Variants in SF3B3 observed in about 807,000 individuals in gnomAD.
SF3B3 encodes splicing factor 3b subunit 3, also known as SAP 130.
SF3B3 carries 33 observed loss-of-function variants against 139.2 expected under a neutral mutation model. The ratio of observed to expected loss-of-function variants is 0.24; its 90% CI spans 0.18 to 0.32. The LOEUF is 0.32. SF3B3 is among the 10% of genes least tolerant of loss of function. The pLI, the probability that SF3B3 is intolerant of heterozygous loss-of-function variation, is 1.00. For missense variants in SF3B3, 818 were observed against 1,509.4 expected (o/e 0.54, Z 7.59); for synonymous variants, 596 against 563.6 (o/e 1.06, Z -0.81).
chr16:70,544,043 A>G (rs895219135), intron 9 of SF3B3, among the ~76,000 whole-genome samples: 2 of 152,190 alleles, frequency 1.3e-5, no homozygotes, highest in Non-Finnish European at 2.9e-5. Flanking sequence ...TTAAATGCAT[A>G]TGAAAATATG....
intron 21 of SF3B3, 35 bp downstream of exon 21, chr16:70,567,571 C>A: frequency 6.2e-7 from 1 of 1,600,232 alleles, no homozygotes; most frequent in Non-Finnish European, 8.5e-7. Context: ...AGATCTAGCT[C>A]ATGTGTCAAG....
chr16:70,529,865 G>C (rs973732093), intron 3 of SF3B3, among the ~76,000 whole-genome samples: 13 of 152,010 alleles, frequency 8.6e-5, no homozygotes. Context: ...AGGTGCGGTG[G>C]CTCACACCTG....
chr16:70,542,249 G>A (rs560902486), intron 9 of SF3B3, among the ~76,000 whole-genome samples: 2 of 152,294 alleles, frequency 1.3e-5, no homozygotes, highest in Admixed American at 1.3e-4. Context: ...TTTAAAATAA[G>A]TGGATTCATA....
At chr16:70,525,311 GCCA>G (rs1375514901) in intron 1 of SF3B3, among the ~76,000 whole-genome samples, 1 of 152,166 alleles carries the variant, frequency 6.6e-6, no homozygotes, top group Non-Finnish European at 1.5e-5. Flanking sequence ...ACAGGCGTGA[GCCA>G]CCACTGCGCC....
At position 70,536,189 on chromosome 16, in the gene SF3B3, A is replaced by G. The variant is rs532829147; in HGVS notation, c.825+769A>G. 1.5e-4 allele frequency among the ~76,000 whole-genome samples: 22 copies of G among 148,656 alleles called. No individual in the cohort carries two copies. In the East Asian group the frequency reaches 3.9e-3, roughly 27 times the overall value. ...CACCTTTTTTTCTTTTTTTTTTGAG[A>G]TGGAGTCTTGCTCTGTTGCCCATGC... On this transcript the variant is annotated intron_variant, in intron 6 of 25. Transcript: ENST00000302516.
chr16:70,573,416 A>G lies in SF3B3; in HGVS notation c.*1603A>G, dbSNP rs550322069. ...ACTCAAGTTTGACTAAAATACATAC[A>G]CTCCGTACAGAAGGTAGGGGGTTAT... On this transcript the variant is annotated 3_prime_UTR_variant, in exon 26 of 26. Transcript: ENST00000302516. 1 of 152,072 alleles carries G rather than the reference A, an allele frequency of 6.6e-6. No individual in the cohort carries two copies. The highest frequency in any genetic ancestry group is 6.5e-5 in the Admixed American group (1 of 15,272). The allele number at this position is 152,072 out of a possible 1,614,324, so 9.4% of individuals were successfully genotyped here. A position where few individuals can be genotyped will look rare whatever the true frequency, so the allele number is the denominator to read the frequency against.
rs375386122 is a variant in SF3B3, at chr16:70,571,207, G to T, written c.3513+8G>T. 6.3e-7 allele frequency: 1 copy of T among 1,581,738 alleles called. No homozygotes were observed. Among genetic ancestry groups the T allele is most frequent in the Non-Finnish European group, 8.7e-7 (1 of 1,150,436 alleles). On this transcript the variant is annotated splice_region_variant and intron_variant, in intron 25 of 25. Transcript: ENST00000302516. ...TACTACTTCCCTGTGAAGGTAGGTT[G>T]GGGGAATCTGAGCTGAAAAGGGAGA...
intron 11 of SF3B3, among the ~76,000 whole-genome samples, chr16:70,552,186 TC>T (rs2050333970): frequency 1.3e-5 from 2 of 152,208 alleles, no homozygotes; most frequent in South Asian, 4.1e-4. Context: ...GGTCACCTTT[TC>T]CCCTTGGTGA....
intron 5 of SF3B3, among the ~76,000 whole-genome samples, chr16:70,534,441 CTG>C (rs750105224): frequency 6.6e-6 from 1 of 152,050 alleles, no homozygotes; most frequent in South Asian, 2.1e-4. Flanking sequence ...GATATTAAGA[CTG>C]TAAGAGGGGA....
chr16:70,569,016 A>T (rs750677880), intron 22 of SF3B3, 27 bp from the exon 23 acceptor site: 6 of 1,546,240 alleles, frequency 3.9e-6, no homozygotes, highest in Non-Finnish European at 1.8e-6. Context: ...GGGCCCCAGC[A>T]GTGTGACTTG....
Position 70,575,196 on chromosome 16 carries a change from CTTTTTTTTT to C in SF3B3, c.*3395_*3403del, listed in dbSNP as rs897314035. ...TTTTCTTTTTCTTTTTCTTTTTTTT[CTTTTTTTTT>C]TTTTTTTTTTTGAGATGAAGTCTTA... On this transcript the variant is annotated 3_prime_UTR_variant, in exon 26 of 26. Coordinates refer to ENST00000302516, the MANE Select transcript of SF3B3 (RefSeq NM_012426.5). 17 of 110,020 alleles carry C rather than the reference CTTTTTTTTT, an allele frequency of 1.5e-4. No individual in the cohort carries two copies. The highest frequency in any genetic ancestry group is 0.01 in the Middle Eastern group (2 of 200). The allele number at this position is 110,020 out of a possible 1,614,324, so 6.8% of individuals were successfully genotyped here.
chr16:70,543,133 C>T (rs1236625991), intron 9 of SF3B3, among the ~76,000 whole-genome samples: 1 of 152,022 alleles, frequency 6.6e-6, no homozygotes, highest in Admixed American at 6.6e-5. Flanking sequence ...ATTAGCCAGG[C>T]ATGGTGGCTC....
chr16:70,559,336 G>A (rs2050406859), intron 15 of SF3B3, among the ~76,000 whole-genome samples: 1 of 152,080 alleles, frequency 6.6e-6, no homozygotes, highest in African/African-American at 2.4e-5. Flanking sequence ...AGTAAGGAGT[G>A]AGGGCCACAG....
chr16:70,533,495 A>G (rs1275652321), intron 5 of SF3B3, among the ~76,000 whole-genome samples: 1 of 152,246 alleles, frequency 6.6e-6, no homozygotes, highest in Non-Finnish European at 1.5e-5. Flanking sequence ...AGATAGGAAA[A>G]GCTAACATTC....
chr16:70,534,184 T>G (rs948792082), intron 5 of SF3B3, among the ~76,000 whole-genome samples: 5 of 152,122 alleles, frequency 3.3e-5, no homozygotes, highest in Admixed American at 6.6e-5. Flanking sequence ...GTTAGCTAGG[T>G]GCAGTTGGAG....
intron 1 of SF3B3, among the ~76,000 whole-genome samples, chr16:70,525,204 A>G (rs557410779): frequency 4.6e-4 from 70 of 150,540 alleles, no homozygotes; most frequent in Admixed American, 8.0e-4. Flanking sequence ...TAGTTTTTGC[A>G]TTTTTAGTAG....
Position 70,575,145 on chromosome 16 carries a change from G to A in SF3B3, c.*3332G>A, listed in dbSNP as rs2050565523. 1 of 151,462 alleles carries A rather than the reference G, an allele frequency of 6.6e-6. No individual in the cohort carries two copies. The highest frequency in any genetic ancestry group is 2.4e-5 in the African/African-American group (1 of 41,206). 9.4% of individuals were successfully genotyped at this position (151,462 alleles called of 1,614,324 possible). A position where few individuals can be genotyped will look rare whatever the true frequency, so the allele number is the denominator to read the frequency against. On this transcript the variant is annotated 3_prime_UTR_variant, in exon 26 of 26. Coordinates refer to ENST00000302516, the MANE Select transcript of SF3B3 (RefSeq NM_012426.5). Reference sequence around the variant, plus strand: ...GTAGGCTACACACCAGTCTGAACCAGCACAACCAAGAGTTGTTTCTCTTTT... The same window carrying A: ...GTAGGCTACACACCAGTCTGAACCAACACAACCAAGAGTTGTTTCTCTTTT...
At chr16:70,564,164 A>G in intron 18 of SF3B3, 114 bp downstream of exon 18, 1 of 1,045,968 alleles carries the variant, frequency 9.6e-7, no homozygotes, top group Non-Finnish European at 1.4e-6. Context: ...TGAGGCCACT[A>G]GTTCGAGACC....
rs2050019731 is a variant in SF3B3 at position 70,523,989 on chromosome 16, G to C, written c.-71+61G>C. ...GGAGGCGGAGACCGGCCATATGGAA[G>C]GGGGACCCGAGACTTTGGCGGGGGT... is the stretch of plus-strand genomic sequence containing the variant. On this transcript the variant is annotated intron_variant, in intron 1 of 25. Transcript: ENST00000302516. The C allele has an allele frequency of 9.5e-6, 4 of 422,052 alleles. No homozygotes were observed. In the South Asian group the frequency reaches 3.2e-4, roughly 33 times the overall value. 26.1% of individuals were successfully genotyped at this position (422,052 alleles called of 1,614,324 possible).
Sources: allele counts gnomAD v4.1 joint callset (sites outside exome capture counted in the v4.1 genomes callset), GRCh38; gene constraint gnomAD v4.1.1; transcripts MANE v1.5; gene names NCBI Gene and HGNC (gene_info 2026-07-23, HGNC 2026-07-21).